GARRE1: variants seen among roughly 807,000 people sequenced by gnomAD.
GARRE1 encodes granule associated Rac and RHOG effector protein 1.
A neutral mutation model predicts 103.2 loss-of-function variants in GARRE1; 49 were observed. The ratio of observed to expected loss-of-function variants is 0.47; its 90% CI spans 0.38 to 0.60. The LOEUF (loss-of-function observed/expected upper bound fraction) is 0.60. GARRE1 is among the 20% of genes least tolerant of loss of function. The pLI, the probability that GARRE1 is intolerant of heterozygous loss-of-function variation, is 0.00. For missense variants in GARRE1, 1,199 were observed against 1,370.5 expected (o/e 0.87, Z 1.98); for synonymous variants, 505 against 532.8 (o/e 0.95, Z 0.72).
intron 1 of GARRE1, among the ~76,000 whole-genome samples, chr19:34,262,936 A>G (rs2073727840): frequency 1.3e-5 from 2 of 152,216 alleles, no homozygotes; most frequent in Non-Finnish European, 2.9e-5. Flanking sequence ...TATATAGGCC[A>G]GGCATGGTGG....
At chr19:34,347,727 C>T in intron 10 of GARRE1, 150 bp from the exon 11 acceptor site, 1 of 666,158 alleles carries the variant, frequency 1.5e-6, no homozygotes, top group Non-Finnish European at 2.3e-6. Flanking sequence ...GGGTGCTGGG[C>T]ACAGCCTACA....
rs2074249156 is a variant in GARRE1, at chr19:34,353,048, GC to G, written c.*97del. ...CCCCAGGGCCACTTAGCTGACACCA[GC>G]CCCTCAGAGGACCAGTGCGCCCCAT... On this transcript the variant is annotated 3_prime_UTR_variant, in exon 14 of 14. Coordinates refer to ENST00000299505, the MANE Select transcript of GARRE1 (RefSeq NM_014686.5). 1 of 1,216,256 alleles carries G rather than the reference GC, an allele frequency of 8.2e-7. No homozygotes were observed. The allele number at this position is 1,216,256 out of a possible 1,614,324, so 75.3% of individuals were successfully genotyped here.
chr19:34,310,303 A>G (rs998834952), intron 2 of GARRE1, among the ~76,000 whole-genome samples: 1 of 152,178 alleles, frequency 6.6e-6, no homozygotes, highest in African/African-American at 2.4e-5. Context: ...GAACCTGAGC[A>G]CCCATAAAAC....
intron 1 of GARRE1, among the ~76,000 whole-genome samples, chr19:34,277,409 G>A (rs1219388700): frequency 1.3e-5 from 2 of 152,150 alleles, no homozygotes; most frequent in African/African-American, 4.8e-5. Flanking sequence ...AGACCAATAA[G>A]ATCAGTGGTT....
Position 34,352,998 on chromosome 19 carries a change from A to G in GARRE1, c.*43A>G. 6.8e-7 allele frequency: 1 copy of G among 1,473,834 alleles called. No homozygotes were observed. The highest frequency in any genetic ancestry group is 9.1e-7 in the Non-Finnish European group (1 of 1,104,554). The allele number at this position is 1,473,834 out of a possible 1,614,324, so 91.3% of individuals were successfully genotyped here. On this transcript the variant is annotated 3_prime_UTR_variant, in exon 14 of 14. Coordinates refer to ENST00000299505, the MANE Select transcript of GARRE1 (RefSeq NM_014686.5). ...TGCCTGCCTGCCTGCCTGCCCGCCC[A>G]GAGCTGTGGGGATGAGTGTCCCCAC...
At chr19:34,282,811 A>G (rs576397762) in intron 1 of GARRE1, among the ~76,000 whole-genome samples, 2 of 152,288 alleles carry the variant, frequency 1.3e-5, no homozygotes, top group African/African-American at 4.8e-5. Flanking sequence ...GCATTTATCC[A>G]GCTCCTCCAG....
chr19:34,258,507 G>A (rs117394891), intron 1 of GARRE1, among the ~76,000 whole-genome samples: 2,559 of 152,198 alleles, frequency 0.017, 26 homozygotes, highest in South Asian at 0.026. Context: ...ACTTCTGGCC[G>A]GGCGCAGTGG....
At chr19:34,279,933 C>T (rs2073841131) in intron 1 of GARRE1, among the ~76,000 whole-genome samples, 1 of 143,584 alleles carries the variant, frequency 7.0e-6, no homozygotes, top group African/African-American at 2.7e-5. Context: ...TGCAGTGAGC[C>T]GAGATCCCGC....
intron 1 of GARRE1, among the ~76,000 whole-genome samples, chr19:34,261,658 A>G (rs919597359): frequency 3.5e-4 from 54 of 152,266 alleles, no homozygotes; most frequent in African/African-American, 1.2e-3. Context: ...CAGGGGCATG[A>G]CACGTCCAAA....
At chr19:34,287,189 C>G (rs1166378675) in intron 1 of GARRE1, among the ~76,000 whole-genome samples, 1 of 150,834 alleles carries the variant, frequency 6.6e-6, no homozygotes, top group African/African-American at 2.4e-5. Flanking sequence ...AAGATTGATT[C>G]GTTAGATTTG....
chr19:34,349,080 T>G lies in GARRE1; in HGVS notation c.2752T>G (p.Ser918Ala), dbSNP rs190996772. 24 of 1,612,796 alleles carry G rather than the reference T, an allele frequency of 1.5e-5. No individual in the cohort carries two copies. The Admixed American group carries it at 2.0e-4, about 13-fold the overall frequency. ...GDSASSSDET[S>A]SANGDSLFSM... ...CTCTGCCAGCTCGAGTGATGAGACA[T>G]CCTCAGCCAACGGGGACAGCTTGTT... The change falls in exon 12 of 14, where the codon TCC becomes GCC. Residue 918 changes from serine to alanine, a missense_variant. Physicochemically the swap from Ser to Ala is moderately conservative, Grantham distance 99. Coordinates refer to ENST00000299505, the MANE Select transcript of GARRE1 (RefSeq NM_014686.5).
chr19:34,296,342 T>C, intron 1 of GARRE1: 1 of 1,031,354 alleles, frequency 9.7e-7, no homozygotes, highest in Non-Finnish European at 1.5e-6. Flanking sequence ...AAGCTGGAGC[T>C]GCAGTCTGGG....
intron 8 of GARRE1, among the ~76,000 whole-genome samples, chr19:34,335,886 T>G (rs1411063222): frequency 6.6e-6 from 1 of 152,208 alleles, no homozygotes; most frequent in Non-Finnish European, 1.5e-5. Flanking sequence ...TTAGAGTCTA[T>G]GAATATATTT....
At chr19:34,293,750 CTTT>C (rs71165643) in intron 1 of GARRE1, among the ~76,000 whole-genome samples, 3 of 47,178 alleles carry the variant, frequency 6.4e-5, no homozygotes, top group Non-Finnish European at 1.1e-4. Context: ...ACACATATTT[CTTT>C]TTTTTTTTTT....
intron 2 of GARRE1, among the ~76,000 whole-genome samples, chr19:34,307,707 T>TTA (rs869171660): frequency 1.4e-5 from 1 of 69,214 alleles, no homozygotes; most frequent in East Asian, 2.6e-4. Flanking sequence ...ACATATATAC[T>TTA]TATATATATA....
intron 1 of GARRE1, among the ~76,000 whole-genome samples, chr19:34,279,984 C>CAAAA (rs34044474): frequency 4.1e-4 from 28 of 67,850 alleles, no homozygotes; most frequent in African/African-American, 9.1e-4. Context: ...GACTCCGTCT[C>CAAAA]AAAAAAAAAA....
At chr19:34,316,418 C>A (rs1395073541) in intron 2 of GARRE1, among the ~76,000 whole-genome samples, 1 of 152,164 alleles carries the variant, frequency 6.6e-6, no homozygotes, top group Admixed American at 6.5e-5. Context: ...TTCCACAGCC[C>A]TGGGGTCACA....
At chr19:34,263,641 C>T (rs1308168205) in intron 1 of GARRE1, among the ~76,000 whole-genome samples, 1 of 151,896 alleles carries the variant, frequency 6.6e-6, no homozygotes, top group African/African-American at 2.4e-5. Context: ...CTACGTCTGG[C>T]TAATTTTTGT....
At chr19:34,326,944 C>T (rs1220272102) in intron 3 of GARRE1, among the ~76,000 whole-genome samples, 1 of 152,014 alleles carries the variant, frequency 6.6e-6, no homozygotes, top group Non-Finnish European at 1.5e-5. Context: ...CACCTGAGGT[C>T]AGGAGTTCGA....
Sources: gnomAD v4.1 joint callset for allele counts (sites outside exome capture counted in the v4.1 genomes callset) on GRCh38, gnomAD v4.1.1 for gene constraint, MANE v1.5 for transcripts, NCBI Gene and HGNC (gene_info 2026-07-23, HGNC 2026-07-21) for gene names.